Variants in BANK1 observed in about 807,000 individuals in gnomAD.
BANK1 encodes B cell scaffold protein with ankyrin repeats 1, also known as B-cell scaffold protein with ankyrin repeats.
In BANK1, 95 loss-of-function variants were observed where a neutral mutation model predicts 94.5. The observed-to-expected ratio is 1.00, with a 90% CI of 0.85 to 1.19. The LOEUF (loss-of-function observed/expected upper bound fraction) is 1.19. Among genes scored for constraint, BANK1 ranks in the 50% most tolerant of loss-of-function variants. The probability of loss-of-function intolerance (pLI) is 0.00; values close to 1 mark genes in which losing one functional copy is unlikely to be tolerated. For missense variants in BANK1, 987 were observed against 932.2 expected, an observed-to-expected ratio of 1.06 and a Z score of -0.77; for synonymous variants, 334 against 308.4, an observed-to-expected ratio of 1.08 and a Z score of -0.87.
Position 101,989,268 on chromosome 4 carries a change from C to A in BANK1, c.1207-32246C>A, listed in dbSNP as rs562366822. On this transcript the variant is annotated intron_variant, in intron 7 of 16. Transcript: ENST00000322953. Reference sequence around the variant, plus strand: ...GACCAGCCTGGTCAACATGGCAATACCCCGTCTCTATTAAAAATACAAAAA... The same window carrying A: ...GACCAGCCTGGTCAACATGGCAATAACCCGTCTCTATTAAAAATACAAAAA... Among the ~76,000 whole-genome samples the A allele has an allele frequency of 3.9e-4, 59 of 151,870 alleles. 1 individual carries two copies. Among genetic ancestry groups the A allele is most frequent in the East Asian group, 2.7e-3 (14 of 5,156 alleles).
chr4:102,055,552 A>G (rs2148961401), intron 11 of BANK1, among the ~76,000 whole-genome samples: 1 of 152,216 alleles, frequency 6.6e-6, no homozygotes, highest in East Asian at 1.9e-4. Flanking sequence ...TACTTTCTCC[A>G]TTATTTTTAG....
intron 7 of BANK1, among the ~76,000 whole-genome samples, chr4:101,945,499 A>G (rs1723897371): frequency 6.6e-6 from 1 of 152,012 alleles, no homozygotes; most frequent in African/African-American, 2.4e-5. Context: ...CTTAAATAAT[A>G]TAGTATTTAT....
At chr4:102,018,454 G>A (rs942517227) in intron 7 of BANK1, among the ~76,000 whole-genome samples, 1 of 152,154 alleles carries the variant, frequency 6.6e-6, no homozygotes, top group African/African-American at 2.4e-5. Context: ...GCCATGTGAA[G>A]ATTGTTTTTA....
intron 7 of BANK1, among the ~76,000 whole-genome samples, chr4:101,947,700 A>T (rs942511033): frequency 6.6e-6 from 1 of 152,000 alleles, no homozygotes. Flanking sequence ...TAATTATGTT[A>T]ATATCCAGTC....
At chr4:101,796,652 A>G (rs1725166081) in intron 1 of BANK1, among the ~76,000 whole-genome samples, 3 of 152,220 alleles carry the variant, frequency 2.0e-5, no homozygotes, top group South Asian at 2.1e-4. Context: ...AAAGGTTAGT[A>G]TTATAAGAAT....
At chr4:101,878,792 CA>C (rs1425054321) in intron 5 of BANK1, among the ~76,000 whole-genome samples, 1 of 151,944 alleles carries the variant, frequency 6.6e-6, no homozygotes, top group Non-Finnish European at 1.5e-5. Flanking sequence ...AAATCAATAA[CA>C]AGAGGAAATT....
At chr4:101,820,651 G>A (rs1726107625) in intron 1 of BANK1, among the ~76,000 whole-genome samples, 1 of 152,004 alleles carries the variant, frequency 6.6e-6, no homozygotes, top group African/African-American at 2.4e-5. Context: ...GCATACCCCA[G>A]TGACTGTTGT....
At chr4:101,849,858 C>T (rs1020564656) in intron 2 of BANK1, among the ~76,000 whole-genome samples, 1 of 152,130 alleles carries the variant, frequency 6.6e-6, no homozygotes, top group Admixed American at 6.5e-5. Context: ...CTACTTATGG[C>T]TCTGTTACTT....
At chr4:101,873,408 A>G (rs1728369774) in intron 5 of BANK1, among the ~76,000 whole-genome samples, 1 of 152,206 alleles carries the variant, frequency 6.6e-6, no homozygotes, top group Non-Finnish European at 1.5e-5. Flanking sequence ...ATGTAATAAC[A>G]TGAACATTGT....
At chr4:102,020,348 A>G (rs978255026) in intron 7 of BANK1, among the ~76,000 whole-genome samples, 35 of 152,100 alleles carry the variant, frequency 2.3e-4, no homozygotes, top group Non-Finnish European at 1.9e-4. Flanking sequence ...CAAACCTCCT[A>G]CTAAAACTAC....
chr4:101,950,091 G>C, intron 7 of BANK1, among the ~76,000 whole-genome samples: 1 of 151,644 alleles, frequency 6.6e-6, no homozygotes, highest in Admixed American at 6.6e-5. Flanking sequence ...CTACACAAAT[G>C]AGACCCTAAG....
At chr4:101,826,553 T>C (rs915589525) in intron 1 of BANK1, among the ~76,000 whole-genome samples, 2 of 151,982 alleles carry the variant, frequency 1.3e-5, no homozygotes, top group African/African-American at 4.8e-5. Context: ...ATTCTGGCTA[T>C]ATGCAATATG....
At chr4:101,923,907 T>C (rs1329915307) in intron 7 of BANK1, among the ~76,000 whole-genome samples, 2 of 151,786 alleles carry the variant, frequency 1.3e-5, no homozygotes, top group Non-Finnish European at 2.9e-5. Context: ...GGGATTTTGG[T>C]AAAATATATA....
chr4:102,072,396 A>C lies in BANK1; in HGVS notation c.2294A>C (p.Asn765Thr). 1 of 1,590,816 alleles carries C rather than the reference A, an allele frequency of 6.3e-7. No homozygotes were observed. Among genetic ancestry groups the C allele is most frequent in the Non-Finnish European group, 8.6e-7 (1 of 1,161,296 alleles). The change falls in exon 15 of 17, where the codon AAT becomes ACT. Residue 765 changes from asparagine to threonine, a missense_variant. By Grantham distance (65) the Asn-to-Thr change is moderately conservative. Transcript: ENST00000322953. ...AAGTTTTATAATGTACACTTCAGCA[A>C]TAAGGTAGGTTGTATTTATTTTGAT... ...ENKFYNVHFS[N>T]KLPARPQVEK...
intron 3 of BANK1, among the ~76,000 whole-genome samples, chr4:101,859,298 C>T (rs1727786962): frequency 6.6e-6 from 1 of 152,186 alleles, no homozygotes. Context: ...AGGTGGTTAT[C>T]AAAAACTAAG....
chr4:101,988,973 A>T (rs1437465473), intron 7 of BANK1, among the ~76,000 whole-genome samples: 1 of 152,204 alleles, frequency 6.6e-6, no homozygotes, highest in Non-Finnish European at 1.5e-5. Context: ...CTTATATAAC[A>T]TTCTTTATAT....
In BANK1 at chr4:101,855,058, A is replaced by G; in HGVS notation, c.493A>G (p.Asn165Asp). The change falls in exon 3 of 17, where the codon AAC (asparagine) becomes GAC (aspartate). Residue 165 changes from asparagine (N) to aspartate (D), a missense_variant. By Grantham distance (23) the Asn-to-Asp change is conservative. Transcript: ENST00000322953. ...FKDSEDYFEV[N>D]IPTDLRAKHS... Reference sequence around the variant, plus strand: ...AGATTCTGAAGACTACTTTGAGGTCAACATTCCAACAGACCTACGAGCAAA... The same window carrying G: ...AGATTCTGAAGACTACTTTGAGGTCGACATTCCAACAGACCTACGAGCAAA... 6.2e-7 allele frequency: 1 copy of G among 1,612,352 alleles called. No homozygotes were observed. Among genetic ancestry groups the G allele is most frequent in the Non-Finnish European group, 8.5e-7 (1 of 1,178,626 alleles).
intron 10 of BANK1, among the ~76,000 whole-genome samples, chr4:102,035,905 G>A (rs904503034): frequency 9.9e-5 from 15 of 152,188 alleles, no homozygotes; most frequent in Non-Finnish European, 5.9e-5. Context: ...TAACATGGAT[G>A]TATGGTCTTT....
At chr4:102,060,158 C>T in intron 11 of BANK1, 53 bp from the exon 12 acceptor site, 4 of 1,448,886 alleles carry the variant, frequency 2.8e-6, no homozygotes, top group Non-Finnish European at 3.7e-6. Context: ...GCTTTTGTTC[C>T]CAGTTGTCTA....
Sources: gnomAD v4.1 joint callset for allele counts (sites outside exome capture counted in the v4.1 genomes callset) on GRCh38, gnomAD v4.1.1 for gene constraint, MANE v1.5 for transcripts, NCBI Gene and HGNC (gene_info 2026-07-23, HGNC 2026-07-21) for gene names.